SNTG1: variants seen among roughly 807,000 people sequenced by gnomAD.
SNTG1 encodes syntrophin gamma 1.
In SNTG1, 39 loss-of-function variants were observed where a neutral mutation model predicts 74.7. That is an observed-to-expected ratio of 0.52 (90% CI 0.40 to 0.68). The LOEUF (loss-of-function observed/expected upper bound fraction) is 0.68, where lower values mean the gene tolerates loss of function less well. Among genes scored for constraint, SNTG1 ranks in the 30% least tolerant of loss-of-function variants. The pLI is 0.00. For missense variants in SNTG1, 685 were observed against 609.5 expected, an observed-to-expected ratio of 1.12 and a Z score of -1.30; for synonymous variants, 254 against 217.1, an observed-to-expected ratio of 1.17 and a Z score of -1.49.
intron 2 of SNTG1, among the ~76,000 whole-genome samples, chr8:50,315,030 A>G (rs1235841070): frequency 6.7e-6 from 1 of 149,944 alleles, no homozygotes; most frequent in Non-Finnish European, 1.5e-5. Context: ...TTTATTAAAT[A>G]ATTCATCAAA....
intron 1 of SNTG1, among the ~76,000 whole-genome samples, chr8:49,982,952 T>C (rs1214931290): frequency 6.6e-6 from 1 of 152,208 alleles, no homozygotes; most frequent in African/African-American, 2.4e-5. Context: ...TAAAAAGCAT[T>C]AAACATTATG....
intron 12 of SNTG1, among the ~76,000 whole-genome samples, chr8:50,587,820 G>GA (rs202124548): frequency 1.8e-4 from 26 of 145,426 alleles, no homozygotes; most frequent in Admixed American, 4.2e-4. Flanking sequence ...AAAAGAAAAA[G>GA]AAAAAAAAAT....
intron 4 of SNTG1, among the ~76,000 whole-genome samples, chr8:50,415,233 G>A (rs188029989): frequency 5.9e-5 from 9 of 152,092 alleles, no homozygotes; most frequent in Non-Finnish European, 1.0e-4. Flanking sequence ...ATGTAAAGCA[G>A]CCTAGAGGTA....
rs542798443 is a variant in SNTG1, at chr8:50,761,206, G to A, written c.1395+9095G>A. ...AGTTGGCTTTATCCCTGGGATCAAG[G>A]CTGTTTCAACATACACAAATCAATA... On this transcript the variant is annotated intron_variant, in intron 18 of 18. Coordinates refer to ENST00000642720, the MANE Select transcript of SNTG1 (RefSeq NM_018967.5). Among the ~76,000 whole-genome samples, 287 of 152,080 alleles carry A rather than the reference G, an allele frequency of 1.9e-3. 1 individual carries two copies. The highest frequency in any genetic ancestry group is 3.6e-3 in the Non-Finnish European group (246 of 67,940).
chr8:50,762,663 C>CA (rs1171033224), intron 18 of SNTG1: 1 of 457,544 alleles, frequency 2.2e-6, no homozygotes, highest in East Asian at 6.0e-5. Context: ...TAAGAGAATC[C>CA]AACAGCCTGA....
intron 1 of SNTG1, among the ~76,000 whole-genome samples, chr8:49,929,796 A>G (rs1056751063): frequency 7.3e-5 from 11 of 151,424 alleles, no homozygotes; most frequent in African/African-American, 2.4e-4. Flanking sequence ...TACATGTGCC[A>G]TGCTGGTGCG....
intron 12 of SNTG1, among the ~76,000 whole-genome samples, chr8:50,556,079 T>A (rs2094453980): frequency 6.6e-6 from 1 of 152,152 alleles, no homozygotes; most frequent in Non-Finnish European, 1.5e-5. Flanking sequence ...CCAGAAATAA[T>A]TGATCATAAT....
intron 12 of SNTG1, among the ~76,000 whole-genome samples, chr8:50,561,318 C>G (rs1490966383): frequency 6.6e-6 from 1 of 152,070 alleles, no homozygotes; most frequent in African/African-American, 2.4e-5. Context: ...TCAATTAAAC[C>G]TCTTTCCTTC....
intron 2 of SNTG1, among the ~76,000 whole-genome samples, chr8:50,285,727 C>CT (rs1475674310): frequency 6.6e-6 from 1 of 151,176 alleles, no homozygotes; most frequent in Non-Finnish European, 1.5e-5. Context: ...TAATTTAAAA[C>CT]TTTTTCTCCA....
intron 15 of SNTG1, among the ~76,000 whole-genome samples, chr8:50,678,731 A>C (rs765586372): frequency 1.2e-4 from 19 of 152,108 alleles, no homozygotes; most frequent in Non-Finnish European, 2.1e-4. Flanking sequence ...AAGCATGCAA[A>C]ATTTACCTTT....
chr8:49,984,380 T>C (rs1375125345), intron 1 of SNTG1, among the ~76,000 whole-genome samples: 1 of 152,044 alleles, frequency 6.6e-6, no homozygotes, highest in Non-Finnish European at 1.5e-5. Flanking sequence ...TAATTTTGTA[T>C]TTTTAGTAGA....
chr8:50,685,603 C>G (rs1293225177), intron 15 of SNTG1, among the ~76,000 whole-genome samples: 1 of 151,992 alleles, frequency 6.6e-6, no homozygotes, highest in Admixed American at 6.6e-5. Context: ...GAAATAATTT[C>G]CATAAAAACA....
intron 1 of SNTG1, among the ~76,000 whole-genome samples, chr8:50,145,247 A>G (rs1214929990): frequency 6.6e-6 from 1 of 152,186 alleles, no homozygotes; most frequent in Non-Finnish European, 1.5e-5. Flanking sequence ...AGTGGAGACA[A>G]TGACTATAGA....
chr8:50,004,063 A>T (rs191947872), intron 1 of SNTG1, among the ~76,000 whole-genome samples: 56 of 152,238 alleles, frequency 3.7e-4, no homozygotes, highest in African/African-American at 1.3e-3. Flanking sequence ...ATATACGGGG[A>T]TCAGGAAAAG....
intron 4 of SNTG1, among the ~76,000 whole-genome samples, chr8:50,434,719 A>T (rs1478285926): frequency 6.6e-6 from 1 of 152,116 alleles, no homozygotes. Flanking sequence ...ATGTACACAT[A>T]GTAGATTTTT....
At chr8:50,500,860 G>A (rs759892221) in intron 8 of SNTG1, among the ~76,000 whole-genome samples, 1 of 152,082 alleles carries the variant, frequency 6.6e-6, no homozygotes, top group African/African-American at 2.4e-5. Flanking sequence ...GTTATGGAGG[G>A]TTCCTCCCTG....
chr8:50,353,093 A>G (rs1254822424), intron 2 of SNTG1, among the ~76,000 whole-genome samples: 2 of 151,930 alleles, frequency 1.3e-5, no homozygotes, highest in African/African-American at 4.8e-5. Context: ...TGATGAGTTC[A>G]TGTCCTTTGT....
At chr8:50,734,962 T>A (rs1247077027) in intron 17 of SNTG1, among the ~76,000 whole-genome samples, 1 of 60,828 alleles carries the variant, frequency 1.6e-5, no homozygotes. Flanking sequence ...TATATCTATA[T>A]ATCCATATAT....
At chr8:50,315,863 T>C (rs1457457224) in intron 2 of SNTG1, among the ~76,000 whole-genome samples, 2 of 152,158 alleles carry the variant, frequency 1.3e-5, no homozygotes, top group African/African-American at 4.8e-5. Flanking sequence ...AGTGTGCTGA[T>C]AAGCACATGT....
Sources: gnomAD v4.1 joint callset for allele counts (sites outside exome capture counted in the v4.1 genomes callset) on GRCh38, gnomAD v4.1.1 for gene constraint, MANE v1.5 for transcripts, NCBI Gene and HGNC (gene_info 2026-07-23, HGNC 2026-07-21) for gene names.